The following PKD1 variants were observed in gnomAD, a reference collection of about 807,000 sequenced individuals.
PKD1 encodes the protein polycystin-1.
PKD1 carries 81 observed loss-of-function variants against 361.7 expected under a neutral mutation model. The observed-to-expected ratio is 0.22, with a 90% confidence interval of 0.19 to 0.27. PKD1 has a LOEUF of 0.27. Among genes scored for constraint, PKD1 ranks in the 10% least tolerant of loss-of-function variants. The probability of loss-of-function intolerance (pLI) is 1.00; values close to 1 mark genes in which losing one functional copy is unlikely to be tolerated. For synonymous variants in PKD1, 3,615 were observed against 2,818.3 expected (o/e 1.28, Z -8.95); for missense variants, 6,399 against 6,118.3 (o/e 1.05, Z -1.53).
At chr16:2,103,926 C>G in intron 22 of PKD1, 31 bp from the exon 23 acceptor site, 1 of 1,260,782 alleles carries the variant, frequency 7.9e-7, no homozygotes. Context: ...AGTGCAGAGA[C>G]AGGGAGGTAG....
chr16:2,093,100 G>GA lies in PKD1; in HGVS notation c.11017-8dup, dbSNP rs2091672668. 6.2e-7 allele frequency: 1 copy of GA among 1,612,248 alleles called. No homozygotes were observed. Among genetic ancestry groups the GA allele is most frequent in the Non-Finnish European group, 8.5e-7 (1 of 1,179,884 alleles). ...GCATGTACACCAGGAGGCTCTGGTG[G>GA]ACGGGGGGGCCCTGTGGTCAGCCTG... On this transcript the variant is annotated splice_polypyrimidine_tract_variant and splice_region_variant and intron_variant, in intron 37 of 45. Transcript: ENST00000262304.
At chr16:2,096,041 T>C (rs933576739) in intron 34 of PKD1, among the ~76,000 whole-genome samples, 4 of 152,252 alleles carry the variant, frequency 2.6e-5, no homozygotes, top group Non-Finnish European at 5.9e-5. Context: ...CTTTAGTTCT[T>C]GGTTGCTTAA....
Position 2,112,905 on chromosome 16 carries a change from C to T in PKD1, c.3044G>A (p.Arg1015Gln), listed in dbSNP as rs150387925. Residue 1015 changes from arginine (R) to glutamine (Q), a missense_variant, in exon 13 of 46, where the codon CGG (arginine) becomes CAG (glutamine). Physicochemically the swap from Arg to Gln is conservative, Grantham distance 43. Coordinates refer to ENST00000262304, the MANE Select transcript of PKD1 (RefSeq NM_001009944.3). ...VTVNYNVTVERMNRMQGLQVS... is the reference protein window; with the variant it reads ...VTVNYNVTVEQMNRMQGLQVS... ...CTGCAGACCCTGCATCCTGTTCATCCGCTCCACGGTTACGTTGTAGTTCAC... is the reference window on the plus strand; with the variant it reads ...CTGCAGACCCTGCATCCTGTTCATCTGCTCCACGGTTACGTTGTAGTTCAC... 2.1e-5 allele frequency: 33 copies of T among 1,606,600 alleles called. No individual in the cohort carries two copies. Among genetic ancestry groups the T allele is most frequent in the African/African-American group, 2.7e-5 (2 of 74,866 alleles).
intron 20 of PKD1, 133 bp from the exon 21 acceptor site, chr16:2,105,607 G>A (rs1361531361): frequency 6.3e-7 from 1 of 1,577,502 alleles, no homozygotes; most frequent in African/African-American, 1.3e-5. Context: ...CCACAACACT[G>A]AGCTGTTTCT....
intron 1 of PKD1, among the ~76,000 whole-genome samples, chr16:2,132,307 C>T (rs568327735): frequency 2.6e-5 from 4 of 151,196 alleles, no homozygotes; most frequent in African/African-American, 7.3e-5. Flanking sequence ...CGGTGGCTCA[C>T]GCCTGTAATC....
intron 1 of PKD1, among the ~76,000 whole-genome samples, chr16:2,126,989 CAGAGG>C (rs1782166876): frequency 6.6e-6 from 1 of 152,170 alleles, no homozygotes; most frequent in African/African-American, 2.4e-5. Flanking sequence ...GCCAGGATGG[CAGAGG>C]AGATCCACAG....
intron 20 of PKD1, 136 bp downstream of exon 20, chr16:2,105,729 G>C: frequency 7.8e-7 from 1 of 1,289,780 alleles, no homozygotes; most frequent in Admixed American, 1.9e-5. Context: ...GGAAGGTCGG[G>C]GTGCTGCTTC....
intron 1 of PKD1, among the ~76,000 whole-genome samples, chr16:2,124,271 C>CG (rs2092765198): frequency 6.6e-6 from 1 of 152,236 alleles, no homozygotes. Context: ...CATGCTGCAG[C>CG]GGGTCTGCCC....
At position 2,104,258 on chromosome 16, in the gene PKD1, C is replaced by T. The variant is rs1418388265; in HGVS notation, c.8161+240G>A. Among the ~76,000 whole-genome samples the T allele has an allele frequency of 1.5e-4, 5 of 32,488 alleles. No homozygotes were observed. In the East Asian group the frequency reaches 3.2e-3, roughly 21 times the overall value. The allele number at this position is 32,488 out of a possible 152,430, so 21.3% of individuals were successfully genotyped here. ...AAGATGAGGGGAATGGACAAAAGGACGGGGAGGACGGGGGGGGAAATGGAG... is the reference window on the plus strand; with the variant it reads ...AAGATGAGGGGAATGGACAAAAGGATGGGGAGGACGGGGGGGGAAATGGAG... On this transcript the variant is annotated intron_variant, in intron 22 of 45. Transcript: ENST00000262304.
chr16:2,104,219 T>G (rs1596529830), intron 22 of PKD1, among the ~76,000 whole-genome samples: 3 of 13,126 alleles, frequency 2.3e-4, no homozygotes, highest in African/African-American at 1.5e-3. Flanking sequence ...GGAAGGGGGA[T>G]GAGGGGGATG....
Position 2,108,598 on chromosome 16 carries a change from T to C in PKD1, c.6569A>G (p.Tyr2190Cys). The change falls in exon 15 of 46, where the codon TAT (tyrosine) becomes TGT (cysteine). Residue 2190 changes from tyrosine (Y) to cysteine (C), a missense_variant. By Grantham distance (194) the Tyr-to-Cys change is radical. Coordinates refer to ENST00000262304, the MANE Select transcript of PKD1 (RefSeq NM_001009944.3). ...CGGCCGCTGGCAGCTGGCGGTGCGA[T>C]ACACCTCCCAGCGGTACTCAGTCTG... ...TYQTEYRWEV[Y>C]RTASCQRPGR... The C allele has an allele frequency of 6.4e-7, 1 of 1,558,354 alleles. No individual in the cohort carries two copies. Among genetic ancestry groups the C allele is most frequent in the Non-Finnish European group, 8.7e-7 (1 of 1,151,776 alleles).
Position 2,102,831 on chromosome 16 carries a change from G to C in PKD1, c.8931C>G (p.Thr2977=). 6.2e-7 allele frequency: 1 copy of C among 1,610,112 alleles called. No individual in the cohort carries two copies. ...GAGCTCACCCCGGGGAAATGAAGAA[G>C]GTGTAGGGCCGGTGGTCAGCACCCT... ...SLQGADHRPY[T]FFISPGSRDP... Residue 2977 remains threonine, a synonymous_variant, in exon 24 of 46, where the codon ACC becomes ACG. Coordinates refer to ENST00000262304, the MANE Select transcript of PKD1 (RefSeq NM_001009944.3).
rs757709540 is a variant in PKD1 at position 2,090,982 on chromosome 16, C to A, written c.11905G>T (p.Gly3969Cys). The A allele has an allele frequency of 6.5e-7, 1 of 1,537,474 alleles. No individual in the cohort carries two copies. ...AAGCTAGTGAAGCGGCGCGGGCGGC[C>A]GCGCACGAAACGGGTCCACTGGCGG... is the stretch of plus-strand genomic sequence containing the variant. ...ADRQWTRFVR[G>C]RPRRFTSFDQ... The change falls in exon 43 of 46, where the codon GGC becomes TGC. Residue 3969 changes from glycine (G) to cysteine (C), a missense_variant. Transcript: ENST00000262304.
chr16:2,109,533 C>T lies in PKD1; in HGVS notation c.5634G>A (p.Thr1878=), dbSNP rs1421496178. 2.2e-5 allele frequency: 35 copies of T among 1,611,166 alleles called. No homozygotes were observed. Among genetic ancestry groups the T allele is most frequent in the East Asian group, 4.5e-5 (2 of 44,840 alleles). Residue 1878 remains threonine, a synonymous_variant, in exon 15 of 46, where the codon ACG becomes ACA. Coordinates refer to ENST00000262304, the MANE Select transcript of PKD1 (RefSeq NM_001009944.3). ...ASNAVSWVSA[T]YNLTAEEPIV... is the part of the protein sequence containing the mutation. ...TGGGCTCCTCCGCCGTGAGGTTGTA[C>T]GTGGCTGAGACCCAGCTGACTGCGT...
chr16:2,128,620 C>T (rs1232280840), intron 1 of PKD1, among the ~76,000 whole-genome samples: 1 of 152,182 alleles, frequency 6.6e-6, no homozygotes, highest in Non-Finnish European at 1.5e-5. Flanking sequence ...CCTGCGGTGC[C>T]GTGATGAGGT....
intron 1 of PKD1, among the ~76,000 whole-genome samples, chr16:2,127,831 C>A (rs534396603): frequency 1.1e-3 from 158 of 149,934 alleles, no homozygotes; most frequent in African/African-American, 3.8e-3. Flanking sequence ...AAATTCCCTA[C>A]ATCTGGGTTC....
At chr16:2,126,511 G>A (rs1315234850) in intron 1 of PKD1, among the ~76,000 whole-genome samples, 1 of 152,288 alleles carries the variant, frequency 6.6e-6, no homozygotes, top group African/African-American at 2.4e-5. Context: ...AAGGACAGCT[G>A]CCAAGCCATG....
rs550037590 is a variant in PKD1, at chr16:2,109,787, C to T, written c.5380G>A (p.Val1794Met). 6.6e-5 allele frequency: 107 copies of T among 1,609,854 alleles called. 1 individual carries two copies. In the South Asian group the frequency reaches 1.1e-3, roughly 16 times the overall value. ...GNPLGSANAT[V>M]EVDVQVPVSG... ...ACAGGCACCTGCACATCCACTTCCA[C>T]GGTGGCGTTGGCTGAGCCCAGCGGG... Residue 1794 changes from valine (V) to methionine (M), a missense_variant, in exon 15 of 46, where the codon GTG (valine) becomes ATG (methionine). Val to Met is a conservative substitution (Grantham distance 21). Transcript: ENST00000262304.
Position 2,118,016 on chromosome 16 carries a change from C to A in PKD1, c.976G>T (p.Val326Leu). The change falls in exon 5 of 46, where the codon GTG (valine) becomes TTG (leucine). Residue 326 changes from valine (V) to leucine (L), a missense_variant. By Grantham distance (32) the Val-to-Leu change is conservative. Transcript: ENST00000262304. The surrounding 1 kb of genome is among the most constrained non-coding windows in gnomAD (Gnocchi z 6.0). ...AAGPAASHRY[V>L]LPGRYHVTAV... ...GTCACGTGATAGCGCCCAGGCAGCA[C>A]ATAGCGATGCGAGGCAGCCGGCCCA... is the stretch of plus-strand genomic sequence containing the variant. 1 of 1,594,806 alleles carries A rather than the reference C, an allele frequency of 6.3e-7. No homozygotes were observed. Among genetic ancestry groups the A allele is most frequent in the Non-Finnish European group, 8.5e-7 (1 of 1,175,824 alleles).
Sources: allele counts gnomAD v4.1 joint callset (sites outside exome capture counted in the v4.1 genomes callset), GRCh38; gene constraint gnomAD v4.1.1; non-coding constraint Gnocchi (gnomAD v3.1); transcripts MANE v1.5; gene names NCBI Gene and HGNC (gene_info 2026-07-23, HGNC 2026-07-21).